The following CSMD1 variants were observed in gnomAD, a reference collection of about 807,000 sequenced individuals.
The protein encoded by CSMD1 is CUB and sushi domain-containing protein 1.
CSMD1 carries 213 observed loss-of-function variants against 417.5 expected under a neutral mutation model. That is an observed-to-expected ratio of 0.51 (90% CI 0.46 to 0.57). The LOEUF (loss-of-function observed/expected upper bound fraction) is 0.57, where lower values mean the gene tolerates loss of function less well. CSMD1 is among the 20% of genes least tolerant of loss of function. The probability of loss-of-function intolerance (pLI) is 0.00; values close to 1 mark genes in which losing one functional copy is unlikely to be tolerated. For missense variants in CSMD1, 6,923 were observed against 4,529.7 expected (o/e 1.53, Z -15.17); for synonymous variants, 2,862 against 1,736.8 (o/e 1.65, Z -16.11).
intron 23 of CSMD1, among the ~76,000 whole-genome samples, chr8:3,318,875 G>C (rs1017876380): frequency 1.3e-5 from 2 of 152,154 alleles, no homozygotes; most frequent in Non-Finnish European, 2.9e-5. Flanking sequence ...GGGCAGGTGG[G>C]TGACTGTAAA....
chr8:3,589,488 A>G (rs1246319784), intron 8 of CSMD1, among the ~76,000 whole-genome samples: 1 of 152,082 alleles, frequency 6.6e-6, no homozygotes, highest in Non-Finnish European at 1.5e-5. Flanking sequence ...AACACAGTTG[A>G]TCCTGGGGGA....
At chr8:4,444,711 G>A (rs1007419712) in intron 2 of CSMD1, among the ~76,000 whole-genome samples, 5 of 152,122 alleles carry the variant, frequency 3.3e-5, no homozygotes, top group Admixed American at 1.3e-4. Context: ...TCTAAGCACA[G>A]GTGCATGAAG....
intron 10 of CSMD1, among the ~76,000 whole-genome samples, chr8:3,535,238 C>A (rs1365599544): frequency 2.0e-5 from 3 of 152,298 alleles, no homozygotes; most frequent in Admixed American, 1.3e-4. Flanking sequence ...CAGGCATGAG[C>A]CACCGCACCC....
chr8:4,195,902 C>A (rs918586970), intron 3 of CSMD1, among the ~76,000 whole-genome samples: 1 of 152,022 alleles, frequency 6.6e-6, no homozygotes, highest in Admixed American at 6.6e-5. Flanking sequence ...AGTCCCACCC[C>A]GAGAAAACTA....
At chr8:3,325,683 G>C (rs1806480407) in intron 23 of CSMD1, among the ~76,000 whole-genome samples, 1 of 152,136 alleles carries the variant, frequency 6.6e-6, no homozygotes, top group Non-Finnish European at 1.5e-5. Context: ...AGTTAGCTGG[G>C]CATGGTGGCA....
intron 5 of CSMD1, among the ~76,000 whole-genome samples, chr8:3,838,359 G>C (rs530999340): frequency 2.0e-4 from 30 of 151,374 alleles, no homozygotes; most frequent in Non-Finnish European, 4.0e-4. Context: ...GATGTCGTGA[G>C]ACACTGTCTC....
intron 10 of CSMD1, among the ~76,000 whole-genome samples, chr8:3,569,000 C>G (rs1452704434): frequency 6.6e-6 from 1 of 152,138 alleles, no homozygotes; most frequent in Non-Finnish European, 1.5e-5. Flanking sequence ...TTGCAGGACT[C>G]ATCAAGAGTT....
intron 5 of CSMD1, among the ~76,000 whole-genome samples, chr8:3,935,774 C>G (rs1810453099): frequency 6.6e-6 from 1 of 152,130 alleles, no homozygotes; most frequent in East Asian, 1.9e-4. Flanking sequence ...TCAAATTAGG[C>G]CAATTAATAA....
chr8:4,636,651 C>G lies in CSMD1; in HGVS notation c.302+691G>C, dbSNP rs557364559. ...AAATTACCTTGACAACTCTGTTTCACAGATCTTGAACAATATATCTATAAA... is the reference window on the plus strand; with the variant it reads ...AAATTACCTTGACAACTCTGTTTCAGAGATCTTGAACAATATATCTATAAA... On this transcript the variant is annotated intron_variant, in intron 2 of 69. Transcript: ENST00000635120. Among the ~76,000 whole-genome samples the G allele has an allele frequency of 7.9e-5, 12 of 152,316 alleles. No homozygotes were observed. The East Asian group carries it at 2.3e-3, about 29-fold the overall frequency.
chr8:3,588,941 A>G (rs1434097487), intron 8 of CSMD1, among the ~76,000 whole-genome samples: 1 of 152,152 alleles, frequency 6.6e-6, no homozygotes, highest in East Asian at 1.9e-4. Flanking sequence ...CATTTCTTTA[A>G]AGAAGACATA....
chr8:3,974,394 A>G (rs763973844), intron 5 of CSMD1, among the ~76,000 whole-genome samples: 25 of 152,020 alleles, frequency 1.6e-4, no homozygotes, highest in Admixed American at 1.2e-3. Context: ...AGGAAATTAA[A>G]CATGTATTTT....
chr8:4,527,101 GA>G (rs1796553677), intron 2 of CSMD1, among the ~76,000 whole-genome samples: 1 of 152,088 alleles, frequency 6.6e-6, no homozygotes, highest in Non-Finnish European at 1.5e-5. Context: ...AGCTTCGGAG[GA>G]TTCTAACTTG....
chr8:3,760,270 T>A (rs1478278606), intron 5 of CSMD1, among the ~76,000 whole-genome samples: 3 of 152,152 alleles, frequency 2.0e-5, no homozygotes, highest in Non-Finnish European at 4.4e-5. Context: ...TTGTTCCCAC[T>A]TTTTTCCCCT....
intron 3 of CSMD1, among the ~76,000 whole-genome samples, chr8:4,059,189 A>C (rs978776804): frequency 6.6e-6 from 1 of 152,186 alleles, no homozygotes; most frequent in Admixed American, 6.5e-5. Context: ...CTGCTGAATG[A>C]CTACTGGGTA....
intron 26 of CSMD1, among the ~76,000 whole-genome samples, chr8:3,260,544 A>C (rs1800986180): frequency 6.6e-6 from 1 of 152,142 alleles, no homozygotes; most frequent in South Asian, 2.1e-4. Flanking sequence ...AAAATGTCAG[A>C]GTGCTTCAAT....
At chr8:4,548,744 G>A (rs188975969) in intron 2 of CSMD1, among the ~76,000 whole-genome samples, 16 of 152,088 alleles carry the variant, frequency 1.1e-4, no homozygotes, top group Admixed American at 3.3e-4. Flanking sequence ...TTACAGAACC[G>A]CTTTGAAAGC....
intron 10 of CSMD1, among the ~76,000 whole-genome samples, chr8:3,545,248 G>A (rs974774518): frequency 6.6e-5 from 10 of 152,112 alleles, no homozygotes; most frequent in African/African-American, 1.9e-4. Context: ...ATGTGTCTAT[G>A]AACTTTTCTG....
chr8:3,077,304 G>C (rs1206975832), intron 49 of CSMD1, among the ~76,000 whole-genome samples: 2 of 152,162 alleles, frequency 1.3e-5, no homozygotes, highest in Non-Finnish European at 2.9e-5. Context: ...TGGGTGCCTA[G>C]GTCCCCCCAA....
intron 23 of CSMD1, among the ~76,000 whole-genome samples, chr8:3,330,831 T>G (rs1157155059): frequency 1.3e-5 from 2 of 152,230 alleles, no homozygotes; most frequent in Non-Finnish European, 2.9e-5. Flanking sequence ...AGGAATGAAT[T>G]ATCAGCAGGT....
Sources: allele counts gnomAD v4.1 joint callset (sites outside exome capture counted in the v4.1 genomes callset), GRCh38; gene constraint gnomAD v4.1.1; transcripts MANE v1.5; gene names NCBI Gene and HGNC (gene_info 2026-07-23, HGNC 2026-07-21).